The following ANO6 variants were observed in gnomAD, a reference collection of about 807,000 sequenced individuals.
ANO6 encodes the protein anoctamin-6.
A neutral mutation model predicts 117.5 loss-of-function variants in ANO6; 106 were observed. The observed-to-expected ratio is 0.90, with a 90% CI of 0.77 to 1.06. ANO6 has a LOEUF of 1.06. ANO6 is among the 50% of genes least tolerant of loss of function. The probability of loss-of-function intolerance (pLI) is 0.00; values close to 1 mark genes in which losing one functional copy is unlikely to be tolerated. For synonymous variants in ANO6, 367 were observed against 385.1 expected, an observed-to-expected ratio of 0.95 and a Z score of 0.55; for missense variants, 955 against 1,121.1, an observed-to-expected ratio of 0.85 and a Z score of 2.12.
At chr12:45,359,472 G>A (rs1941498595) in intron 8 of ANO6, among the ~76,000 whole-genome samples, 1 of 152,110 alleles carries the variant, frequency 6.6e-6, no homozygotes, top group Admixed American at 6.5e-5. Context: ...TTGGCCCCTG[G>A]CAACCAACAG....
intron 8 of ANO6, among the ~76,000 whole-genome samples, chr12:45,359,131 A>G (rs1412748118): frequency 6.6e-6 from 1 of 152,242 alleles, no homozygotes; most frequent in Non-Finnish European, 1.5e-5. Context: ...CATTATTTAT[A>G]TACCATAAAA....
At chr12:45,424,019 A>G (rs2137712870) in intron 19 of ANO6, among the ~76,000 whole-genome samples, 1 of 150,860 alleles carries the variant, frequency 6.6e-6, no homozygotes, top group South Asian at 2.1e-4. Context: ...TACTTATACT[A>G]GTTCTTTTTT....
chr12:45,379,180 A>G lies in ANO6; in HGVS notation c.1165+1067A>G, dbSNP rs76867158. 7.4e-3 allele frequency among the ~76,000 whole-genome samples: 1,131 copies of G among 152,354 alleles called. 17 individuals are homozygous for G. Among genetic ancestry groups the G allele is most frequent in the African/African-American group, 0.024 (999 of 41,582 alleles). On this transcript the variant is annotated intron_variant, in intron 10 of 19. Coordinates refer to ENST00000320560, the MANE Select transcript of ANO6 (RefSeq NM_001025356.3). Reference sequence around the variant, plus strand: ...ACTGAACCAAGTTTCTTATTCTTTAAAAGACAACACGTCAATGTGTGTAAC... The same window carrying G: ...ACTGAACCAAGTTTCTTATTCTTTAGAAGACAACACGTCAATGTGTGTAAC...
chr12:45,234,161 T>C (rs888702322), intron 1 of ANO6, among the ~76,000 whole-genome samples: 3 of 152,232 alleles, frequency 2.0e-5, no homozygotes, highest in Non-Finnish European at 4.4e-5. Flanking sequence ...AAATGTGTTC[T>C]TAAGTTGGAA....
At chr12:45,439,922 C>T (rs1416671050) in exon 20 of ANO6, 26 of 1,482,700 alleles carry the variant, frequency 1.8e-5, no homozygotes, top group East Asian at 2.5e-5. Flanking sequence ...TTTTCTGTAT[C>T]GAATTTCTTA....
At chr12:45,378,559 G>C (rs111704857) in intron 10 of ANO6, among the ~76,000 whole-genome samples, 4 of 152,302 alleles carry the variant, frequency 2.6e-5, no homozygotes, top group African/African-American at 9.6e-5. Context: ...AAAGAGAAGA[G>C]AGGACAAGCT....
intron 1 of ANO6, among the ~76,000 whole-genome samples, chr12:45,268,167 C>T (rs1055064717): frequency 2.6e-5 from 4 of 152,122 alleles, no homozygotes; most frequent in Non-Finnish European, 5.9e-5. Flanking sequence ...TATTAACAGG[C>T]GTGTAGATTG....
intron 1 of ANO6, among the ~76,000 whole-genome samples, chr12:45,256,318 T>C (rs1937826593): frequency 6.6e-6 from 1 of 152,240 alleles, no homozygotes. Flanking sequence ...TCTGGTGCTT[T>C]CCTGGTGTTC....
intron 12 of ANO6, among the ~76,000 whole-genome samples, chr12:45,398,836 G>A (rs764068341): frequency 2.0e-5 from 3 of 152,184 alleles, no homozygotes; most frequent in Admixed American, 6.5e-5. Flanking sequence ...GTGCCCACAT[G>A]TAGATAGTAG....
intron 6 of ANO6, among the ~76,000 whole-genome samples, chr12:45,350,200 C>G (rs1181613487): frequency 1.3e-5 from 2 of 152,180 alleles, no homozygotes; most frequent in Non-Finnish European, 2.9e-5. Flanking sequence ...CACAGAATAA[C>G]TGCTGAACTG....
chr12:45,261,995 G>A (rs1170670507), intron 1 of ANO6, among the ~76,000 whole-genome samples: 1 of 152,188 alleles, frequency 6.6e-6, no homozygotes, highest in Admixed American at 6.5e-5. Context: ...TCATAGCAAG[G>A]TAAATGATTT....
At chr12:45,400,730 T>C (rs1592019927) in intron 12 of ANO6, among the ~76,000 whole-genome samples, 1 of 152,306 alleles carries the variant, frequency 6.6e-6, no homozygotes, top group Middle Eastern at 3.4e-3. Flanking sequence ...AGGACCATCC[T>C]GTAATCACTC....
intron 1 of ANO6, among the ~76,000 whole-genome samples, chr12:45,249,025 C>G (rs1279754338): frequency 1.3e-5 from 2 of 152,142 alleles, no homozygotes. Flanking sequence ...CTCAGACTCT[C>G]TGGTCCTCAG....
chr12:45,240,821 G>T (rs921624765), intron 1 of ANO6, among the ~76,000 whole-genome samples: 1 of 152,116 alleles, frequency 6.6e-6, no homozygotes, highest in Non-Finnish European at 1.5e-5. Flanking sequence ...GCTTAGTTTG[G>T]CTGGATATGA....
chr12:45,400,170 A>G (rs1329657530), intron 12 of ANO6, among the ~76,000 whole-genome samples: 1 of 152,208 alleles, frequency 6.6e-6, no homozygotes, highest in East Asian at 1.9e-4. Flanking sequence ...GAGAGATAAT[A>G]TTATACTACC....
intron 12 of ANO6, among the ~76,000 whole-genome samples, chr12:45,400,846 C>T (rs947042801): frequency 6.6e-6 from 1 of 152,156 alleles, no homozygotes; most frequent in African/African-American, 2.4e-5. Context: ...TCTGTCATCA[C>T]GAGCAGTCAC....
At chr12:45,320,907 T>G (rs1169492402) in intron 2 of ANO6, among the ~76,000 whole-genome samples, 1 of 152,198 alleles carries the variant, frequency 6.6e-6, no homozygotes, top group Non-Finnish European at 1.5e-5. Context: ...TTTGTTGGTT[T>G]AAAGTCTGTT....
In ANO6 at chr12:45,341,930, G is replaced by C. The variant is rs142097355; in HGVS notation, c.280-5092G>C. Among the ~76,000 whole-genome samples, 600 of 152,282 alleles carry C rather than the reference G, an allele frequency of 3.9e-3. 3 individuals carry two copies. The highest frequency in any genetic ancestry group is 0.014 in the African/African-American group (577 of 41,572). On this transcript the variant is annotated intron_variant, in intron 3 of 19. Coordinates refer to ENST00000320560, the MANE Select transcript of ANO6 (RefSeq NM_001025356.3). ...AATGGTGATGGCTGACATATCTACA[G>C]CGCTTATCATATGCCAAGCATCATG...
chr12:45,258,650 C>T lies in ANO6; in HGVS notation c.70+42259C>T, dbSNP rs534441793. Reference sequence around the variant, plus strand: ...TTCTGCTGCATGCCTTGCTGTCCCCCTGCCAATAATGTCCCCACCTCCACA... The same window carrying T: ...TTCTGCTGCATGCCTTGCTGTCCCCTTGCCAATAATGTCCCCACCTCCACA... On this transcript the variant is annotated intron_variant, in intron 1 of 19. Coordinates refer to ENST00000320560, the MANE Select transcript of ANO6 (RefSeq NM_001025356.3). Among the ~76,000 whole-genome samples the T allele has an allele frequency of 3.0e-4, 45 of 152,244 alleles. 1 individual carries two copies. In the South Asian group the frequency reaches 6.8e-3, roughly 23 times the overall value.
Sources: gnomAD v4.1 joint callset for allele counts (sites outside exome capture counted in the v4.1 genomes callset) on GRCh38, gnomAD v4.1.1 for gene constraint, MANE v1.5 for transcripts, NCBI Gene and HGNC (gene_info 2026-07-23, HGNC 2026-07-21) for gene names.